ANKRD42: variants seen among roughly 807,000 people sequenced by gnomAD.
The protein encoded by ANKRD42 is ankyrin repeat domain-containing protein 42.
A neutral mutation model predicts 51.5 loss-of-function variants in ANKRD42; 43 were observed. That is an observed-to-expected ratio of 0.83 (90% CI 0.65 to 1.08). The LOEUF (loss-of-function observed/expected upper bound fraction) is 1.08, where lower values mean the gene tolerates loss of function less well. Ranked by LOEUF, ANKRD42 falls within the 50% of genes least tolerant of loss-of-function variation. The probability of loss-of-function intolerance (pLI) is 0.00; values close to 1 mark genes in which losing one functional copy is unlikely to be tolerated. For synonymous variants in ANKRD42, 203 were observed against 213.0 expected, an observed-to-expected ratio of 0.95 and a Z score of 0.41; for missense variants, 608 against 629.3, an observed-to-expected ratio of 0.97 and a Z score of 0.36.
chr11:83,233,733 A>T (rs975986855), intron 7 of ANKRD42, among the ~76,000 whole-genome samples: 3 of 152,098 alleles, frequency 2.0e-5, no homozygotes, highest in African/African-American at 7.2e-5. Context: ...CCCATGCTGG[A>T]GTGCAGTGGT....
chr11:83,255,425 G>A (rs1046831614), intron 11 of ANKRD42, among the ~76,000 whole-genome samples: 3 of 152,124 alleles, frequency 2.0e-5, no homozygotes, highest in African/African-American at 7.2e-5. Context: ...GGGAAGCTAG[G>A]GAATGATTCG....
rs1863601467 is a variant in ANKRD42, at chr11:83,248,238, A to G, written c.*34A>G. On this transcript the variant is annotated 3_prime_UTR_variant, in exon 11 of 11. Transcript: ENST00000533342. ...ACTCATTTAACCTTTTTGTGCCTCA[A>G]CTATAAACTGGAGATGATAACTTAT... 5 of 1,458,570 alleles carry G rather than the reference A, an allele frequency of 3.4e-6. No homozygotes were observed. The highest frequency in any genetic ancestry group is 3.6e-6 in the Non-Finnish European group (4 of 1,109,556). The allele number at this position is 1,458,570 out of a possible 1,614,324, so 90.4% of individuals were successfully genotyped here.
chr11:83,254,684 G>T (rs1397498765), intron 11 of ANKRD42, among the ~76,000 whole-genome samples: 1 of 152,154 alleles, frequency 6.6e-6, no homozygotes, highest in Non-Finnish European at 1.5e-5. Flanking sequence ...GCCTCCCAAA[G>T]TGCTGGGATT....
At chr11:83,259,581 A>G (rs552488033), downstream of ANKRD42, 1 of 152,306 alleles carries the variant, frequency 6.6e-6, no homozygotes, top group African/African-American at 2.4e-5. Context: ...GGTTGTGAAT[A>G]TAACTAAGAT....
chr11:83,236,009 A>G (rs1297371860), intron 7 of ANKRD42, among the ~76,000 whole-genome samples: 1 of 152,252 alleles, frequency 6.6e-6, no homozygotes, highest in Non-Finnish European at 1.5e-5. Context: ...ATGTGCTCAC[A>G]TTCTTGTGAA....
chr11:83,235,114 C>G (rs1337087627), intron 7 of ANKRD42, among the ~76,000 whole-genome samples: 1 of 152,200 alleles, frequency 6.6e-6, no homozygotes, highest in Non-Finnish European at 1.5e-5. Context: ...AGAATGAGAT[C>G]TGGACCTTAC....
chr11:83,240,799 C>T lies in ANKRD42; in HGVS notation c.1060C>T (p.Gln354Ter), dbSNP rs34394236. 5.0e-6 allele frequency: 8 copies of T among 1,613,788 alleles called. No homozygotes were observed. Among genetic ancestry groups the T allele is most frequent in the Non-Finnish European group, 6.8e-6 (8 of 1,179,960 alleles). ...LAAVKLLEEL[Q>*]KYDIDDENEI... Reference sequence around the variant, plus strand: ...AGCAGTGAAGCTGTTAGAGGAGCTACAGAAATATGATATAGATGACGAAAA... The same window carrying T: ...AGCAGTGAAGCTGTTAGAGGAGCTATAGAAATATGATATAGATGACGAAAA... The change falls in exon 9 of 11, where the codon CAG (glutamine) becomes TAG (stop). Residue 354 changes from glutamine (Q) to a stop codon, truncating the protein, a stop_gained. Transcript: ENST00000533342. LOFTEE classifies it high-confidence loss of function.
chr11:83,220,041 A>G (rs1422231109), intron 5 of ANKRD42, among the ~76,000 whole-genome samples: 1 of 152,216 alleles, frequency 6.6e-6, no homozygotes, highest in Non-Finnish European at 1.5e-5. Flanking sequence ...AGCATCCAGG[A>G]GGCAGGAGTC....
chr11:83,212,624 A>G (rs1196111435), intron 5 of ANKRD42: 16 of 1,491,052 alleles, frequency 1.1e-5, no homozygotes, highest in Admixed American at 7.9e-5. Context: ...TAATATGAAC[A>G]GGCCTGATCA....
At chr11:83,246,256 A>C (rs1286716269) in intron 10 of ANKRD42, among the ~76,000 whole-genome samples, 1 of 152,216 alleles carries the variant, frequency 6.6e-6, no homozygotes, top group East Asian at 1.9e-4. Context: ...TTATTCCATA[A>C]ATAATATGCT....
intron 8 of ANKRD42, 94 bp from the exon 9 acceptor site, chr11:83,240,665 G>A (rs1455554995): frequency 2.2e-6 from 3 of 1,375,460 alleles, no homozygotes; most frequent in Admixed American, 4.1e-5. Flanking sequence ...TGATGGCAGG[G>A]TGTACAGAGT....
downstream of ANKRD42, among the ~76,000 whole-genome samples, chr11:83,251,333 C>T (rs1863671694): frequency 6.6e-6 from 1 of 152,136 alleles, no homozygotes; most frequent in African/African-American, 2.4e-5. Flanking sequence ...CATGATTGGG[C>T]ACTTACTTTA....
chr11:83,258,247 T>G (rs1318107112), downstream of ANKRD42, among the ~76,000 whole-genome samples: 1 of 152,194 alleles, frequency 6.6e-6, no homozygotes, highest in African/African-American at 2.4e-5. Context: ...CTGGATCTTG[T>G]TACAGCAGCT....
intron 7 of ANKRD42, among the ~76,000 whole-genome samples, chr11:83,233,160 A>T (rs151259492): frequency 6.7e-6 from 1 of 150,052 alleles, no homozygotes; most frequent in Admixed American, 6.6e-5. Context: ...GATTGGTATT[A>T]GTTCTTCTTT....
At chr11:83,223,324 G>A (rs765731714) in intron 5 of ANKRD42, among the ~76,000 whole-genome samples, 9 of 152,176 alleles carry the variant, frequency 5.9e-5, no homozygotes, top group Non-Finnish European at 1.3e-4. Flanking sequence ...AGTGGCATGC[G>A]TAAGAAATAG....
chr11:83,237,438 T>C (rs1863256182), intron 8 of ANKRD42, among the ~76,000 whole-genome samples: 1 of 152,178 alleles, frequency 6.6e-6, no homozygotes, highest in Admixed American at 6.5e-5. Context: ...TAAGTGTAAA[T>C]GTAAGGAGGA....
Position 83,227,766 on chromosome 11 carries a change from T to C in ANKRD42, c.807T>C (p.His269=). The C allele has an allele frequency of 6.2e-6, 10 of 1,611,620 alleles. No individual in the cohort carries two copies. The highest frequency in any genetic ancestry group is 8.5e-6 in the Non-Finnish European group (10 of 1,179,274). Residue 269 remains histidine, a synonymous_variant, in exon 7 of 11, where the codon CAT becomes CAC. Transcript: ENST00000533342. ...EDQETLAFPG[H]VAAFKGDLGM... is the part of the protein sequence containing the mutation. The stretch of plus-strand genomic sequence containing the variant: ...TCATAGCTTTAGCATTTCCAGGTCA[T>C]GTGGCTGCCTTTAAGGGTGATTTGG...
chr11:83,237,737 T>C (rs986233158), intron 8 of ANKRD42, among the ~76,000 whole-genome samples: 9 of 152,242 alleles, frequency 5.9e-5, no homozygotes, highest in African/African-American at 1.9e-4. Context: ...CAAGGTATAA[T>C]TGACACACAA....
At chr11:83,249,016 A>G, downstream of ANKRD42, 1 of 979,032 alleles carries the variant, frequency 1.0e-6, no homozygotes, top group Non-Finnish European at 1.2e-6. Flanking sequence ...TACGATCTTT[A>G]GCACATGGGG....
Sources: gnomAD v4.1 joint callset for allele counts (sites outside exome capture counted in the v4.1 genomes callset) on GRCh38, gnomAD v4.1.1 for gene constraint, MANE v1.5 for transcripts, NCBI Gene and HGNC (gene_info 2026-07-23, HGNC 2026-07-21) for gene names.